The following TMTC1 variants were observed in gnomAD, a reference collection of about 807,000 sequenced individuals.
The protein encoded by TMTC1 is protein O-mannosyl-transferase TMTC1.
TMTC1 carries 73 observed loss-of-function variants against 104.8 expected under a neutral mutation model. The ratio of observed to expected loss-of-function variants is 0.70; its 90% CI spans 0.58 to 0.85. The LOEUF is 0.85. Among genes scored for constraint, TMTC1 ranks in the 40% least tolerant of loss-of-function variants. The probability of loss-of-function intolerance (pLI) is 0.00; values close to 1 mark genes in which losing one functional copy is unlikely to be tolerated. For missense variants in TMTC1, 1,035 were observed against 1,096.1 expected, an observed-to-expected ratio of 0.94 and a Z score of 0.79; for synonymous variants, 434 against 428.7, an observed-to-expected ratio of 1.01 and a Z score of -0.15.
At chr12:29,755,366 C>A (rs1246961359) in intron 4 of TMTC1, among the ~76,000 whole-genome samples, 2 of 152,156 alleles carry the variant, frequency 1.3e-5, no homozygotes, top group Non-Finnish European at 2.9e-5. Context: ...AAAACTGTTA[C>A]CATTTGCAAT....
intron 1 of TMTC1, among the ~76,000 whole-genome samples, chr12:29,781,670 A>T (rs902949871): frequency 2.0e-5 from 3 of 152,294 alleles, no homozygotes; most frequent in Admixed American, 1.3e-4. Context: ...TACAAAAAAA[A>T]TTTTAAAATA....
At chr12:29,674,011 G>A (rs968632112) in intron 5 of TMTC1, among the ~76,000 whole-genome samples, 2 of 151,566 alleles carry the variant, frequency 1.3e-5, no homozygotes, top group Non-Finnish European at 2.9e-5. Flanking sequence ...TGCCAGCCTC[G>A]GCCTCCCAAA....
At chr12:29,567,011 T>C (rs1325726729) in intron 9 of TMTC1, among the ~76,000 whole-genome samples, 2 of 152,212 alleles carry the variant, frequency 1.3e-5, no homozygotes, top group African/African-American at 2.4e-5. Context: ...TCCCCAAGGC[T>C]AGACTCCCGT....
At chr12:29,610,827 C>G (rs76668599) in intron 6 of TMTC1, among the ~76,000 whole-genome samples, 3,625 of 152,278 alleles carry the variant, frequency 0.024, 147 homozygotes, top group African/African-American at 0.082. Context: ...GAAAATGGCT[C>G]AGGTTCAGGA....
intron 5 of TMTC1, among the ~76,000 whole-genome samples, chr12:29,713,343 GGA>G (rs113105294): frequency 3.2e-4 from 32 of 98,920 alleles, no homozygotes; most frequent in South Asian, 7.3e-4. Flanking sequence ...ACACACACAG[GGA>G]GAGAGAGAGA....
At chr12:29,621,069 T>G (rs1041965554) in intron 6 of TMTC1, among the ~76,000 whole-genome samples, 13 of 152,144 alleles carry the variant, frequency 8.5e-5, no homozygotes, top group African/African-American at 2.9e-4. Context: ...TTTCATGAAT[T>G]GAGGTTACAA....
intron 2 of TMTC1, among the ~76,000 whole-genome samples, chr12:29,762,610 T>C (rs1943377328): frequency 6.6e-6 from 1 of 152,216 alleles, no homozygotes; most frequent in Non-Finnish European, 1.5e-5. Context: ...AAAATTCCAG[T>C]CCTTCTTGCA....
intron 5 of TMTC1, among the ~76,000 whole-genome samples, chr12:29,669,745 ATATT>A (rs746619930): frequency 3.3e-5 from 5 of 152,364 alleles, no homozygotes; most frequent in Non-Finnish European, 7.3e-5. Flanking sequence ...ACTAAGAAGA[ATATT>A]TAATTTGCCA....
At chr12:29,662,867 G>A (rs1466072271) in intron 5 of TMTC1, among the ~76,000 whole-genome samples, 1 of 152,038 alleles carries the variant, frequency 6.6e-6, no homozygotes, top group Admixed American at 6.6e-5. Flanking sequence ...GAGAAAACGA[G>A]GAGTCCAAAA....
intron 5 of TMTC1, among the ~76,000 whole-genome samples, chr12:29,668,903 T>A (rs1940396373): frequency 6.6e-6 from 1 of 152,220 alleles, no homozygotes; most frequent in South Asian, 2.1e-4. Flanking sequence ...AGCACGCTTT[T>A]AAAAGTTAAC....
intron 5 of TMTC1, among the ~76,000 whole-genome samples, chr12:29,722,712 G>T (rs933469491): frequency 6.6e-6 from 1 of 152,018 alleles, no homozygotes; most frequent in Non-Finnish European, 1.5e-5. Flanking sequence ...CTGAGGTCAG[G>T]AGTTCAAGAC....
At chr12:29,514,197 A>G (rs1340958513) in intron 16 of TMTC1, among the ~76,000 whole-genome samples, 3 of 152,184 alleles carry the variant, frequency 2.0e-5, no homozygotes, top group African/African-American at 7.2e-5. Flanking sequence ...GCAGAGACAC[A>G]GACAGAGAGA....
At chr12:29,667,698 A>C (rs1022944551) in intron 5 of TMTC1, among the ~76,000 whole-genome samples, 5 of 152,172 alleles carry the variant, frequency 3.3e-5, no homozygotes, top group African/African-American at 1.2e-4. Context: ...CCTTATTTTT[A>C]TTCCCTCTAT....
intron 7 of TMTC1, among the ~76,000 whole-genome samples, chr12:29,602,343 C>T (rs994646711): frequency 5.9e-5 from 9 of 152,138 alleles, no homozygotes; most frequent in African/African-American, 1.7e-4. Context: ...AGGGTCTCAC[C>T]ATGTTGCCCA....
chr12:29,771,161 T>C (rs1159549294), intron 1 of TMTC1, among the ~76,000 whole-genome samples: 4 of 152,174 alleles, frequency 2.6e-5, no homozygotes, highest in Non-Finnish European at 5.9e-5. Flanking sequence ...TGTATACTTA[T>C]CAAGATACAA....
chr12:29,522,000 A>T (rs866289725), intron 11 of TMTC1, among the ~76,000 whole-genome samples: 1 of 152,268 alleles, frequency 6.6e-6, no homozygotes, highest in African/African-American at 2.4e-5. Context: ...ACAAAATGTC[A>T]TCTTTTCCTA....
intron 5 of TMTC1, among the ~76,000 whole-genome samples, chr12:29,643,226 A>G (rs971845678): frequency 6.6e-6 from 1 of 151,714 alleles, no homozygotes; most frequent in Non-Finnish European, 1.5e-5. Context: ...ACTATGGAAA[A>G]CAATGTGGAG....
intron 2 of TMTC1, among the ~76,000 whole-genome samples, chr12:29,763,616 A>G (rs1943400310): frequency 6.6e-6 from 1 of 152,246 alleles, no homozygotes; most frequent in African/African-American, 2.4e-5. Flanking sequence ...AACTGCATGC[A>G]TCATAAGAGG....
chr12:29,543,736 C>A (rs1432922526), intron 10 of TMTC1, among the ~76,000 whole-genome samples: 1 of 152,198 alleles, frequency 6.6e-6, no homozygotes, highest in African/African-American at 2.4e-5. Context: ...TGTAGCTCTA[C>A]TATCTTTCCT....
Sources: gnomAD v4.1 joint callset for allele counts (sites outside exome capture counted in the v4.1 genomes callset) on GRCh38, gnomAD v4.1.1 for gene constraint, MANE v1.5 for transcripts, NCBI Gene and HGNC (gene_info 2026-07-23, HGNC 2026-07-21) for gene names.